The following DCC variants were observed in gnomAD, a reference collection of about 807,000 sequenced individuals.
DCC encodes netrin receptor DCC.
DCC carries 58 observed loss-of-function variants against 172.5 expected under a neutral mutation model. The observed-to-expected ratio is 0.34, with a 90% CI of 0.27 to 0.42. The LOEUF (loss-of-function observed/expected upper bound fraction) is 0.42, where lower values mean the gene tolerates loss of function less well. Ranked by LOEUF, DCC falls within the 10% of genes least tolerant of loss-of-function variation. DCC has a pLI of 1.00. For synonymous variants in DCC, 709 were observed against 644.5 expected (o/e 1.10, Z -1.52); for missense variants, 1,740 against 1,791.0 (o/e 0.97, Z 0.51).
chr18:53,184,129 A>G (rs569017603), intron 9 of DCC, among the ~76,000 whole-genome samples: 1 of 152,074 alleles, frequency 6.6e-6, no homozygotes, highest in East Asian at 1.9e-4. Context: ...TAAGGCTAAT[A>G]TAATACCTCA....
intron 8 of DCC, among the ~76,000 whole-genome samples, chr18:53,175,770 T>G (rs999559432): frequency 5.3e-5 from 8 of 152,044 alleles, no homozygotes; most frequent in South Asian, 2.1e-4. Context: ...ATTTACAGAT[T>G]CAATGCCATC....
At chr18:53,133,005 C>T (rs528487025) in intron 7 of DCC, among the ~76,000 whole-genome samples, 1 of 152,324 alleles carries the variant, frequency 6.6e-6, no homozygotes, top group African/African-American at 2.4e-5. Flanking sequence ...AATCATCAAA[C>T]CATAAGTAAG....
chr18:52,652,863 G>C (rs1049926190), intron 1 of DCC, among the ~76,000 whole-genome samples: 9 of 151,960 alleles, frequency 5.9e-5, no homozygotes, highest in African/African-American at 1.9e-4. Context: ...AGGAGCTTTC[G>C]TGGGTCTGGA....
chr18:53,347,478 C>A (rs886485228), intron 15 of DCC, among the ~76,000 whole-genome samples: 2 of 152,118 alleles, frequency 1.3e-5, no homozygotes, highest in Non-Finnish European at 2.9e-5. Flanking sequence ...TATTTTTGGG[C>A]AGCTGTTATT....
At chr18:53,454,099 G>A (rs1227584808) in intron 23 of DCC, among the ~76,000 whole-genome samples, 1 of 152,172 alleles carries the variant, frequency 6.6e-6, no homozygotes, top group African/African-American at 2.4e-5. Context: ...TGTAACCCCA[G>A]CCTTTTGGGA....
chr18:52,682,093 A>C (rs1722760540), intron 1 of DCC, among the ~76,000 whole-genome samples: 1 of 152,134 alleles, frequency 6.6e-6, no homozygotes, highest in Non-Finnish European at 1.5e-5. Context: ...ACATAAATAG[A>C]GAGGGCAATT....
chr18:53,410,636 G>T lies in DCC; in HGVS notation c.3120G>T (p.Arg1040Ser). The T allele has an allele frequency of 6.3e-7, 1 of 1,590,794 alleles. No individual in the cohort carries two copies. Residue 1040 changes from arginine to serine, a missense_variant, in exon 20 of 29, where the codon AGG (arginine) becomes AGT (serine). Coordinates refer to ENST00000442544, the MANE Select transcript of DCC (RefSeq NM_005215.4). The stretch of plus-strand genomic sequence containing the variant: ...CACTCTCTGATCCTATCCTCTTCAG[G>T]ACTCTGAAAGGTTTGAATAATTTCC... ...VGPLSDPILF[R>S]TLKVEHPDKM...
At chr18:52,788,421 T>C (rs2037699321) in intron 2 of DCC, among the ~76,000 whole-genome samples, 1 of 152,170 alleles carries the variant, frequency 6.6e-6, no homozygotes, top group Non-Finnish European at 1.5e-5. Flanking sequence ...CTTACCTATC[T>C]GTAAAGCATG....
intron 5 of DCC, among the ~76,000 whole-genome samples, chr18:52,997,861 C>G (rs1167935032): frequency 6.6e-6 from 1 of 151,972 alleles, no homozygotes; most frequent in South Asian, 2.1e-4. Context: ...GCTTTCTCCC[C>G]CTTGTCACCT....
intron 7 of DCC, among the ~76,000 whole-genome samples, chr18:53,111,254 TG>T (rs1459348010): frequency 1.6e-5 from 1 of 61,380 alleles, no homozygotes; most frequent in African/African-American, 6.7e-5. Context: ...TGTTGTGGGG[TG>T]GGGGGAGGGG....
chr18:53,306,228 T>A (rs1313454116), intron 13 of DCC, among the ~76,000 whole-genome samples: 1 of 152,206 alleles, frequency 6.6e-6, no homozygotes, highest in Non-Finnish European at 1.5e-5. Flanking sequence ...TAGATCAACC[T>A]TCTCTATGAA....
intron 1 of DCC, among the ~76,000 whole-genome samples, chr18:52,522,071 A>T (rs1380626491): frequency 6.6e-6 from 1 of 152,206 alleles, no homozygotes; most frequent in African/African-American, 2.4e-5. Context: ...GACTTAGTTG[A>T]AAAACTGAGA....
intron 1 of DCC, among the ~76,000 whole-genome samples, chr18:52,369,772 A>C (rs1457583907): frequency 6.6e-6 from 1 of 152,190 alleles, no homozygotes; most frequent in African/African-American, 2.4e-5. Context: ...TTGGTCTGTC[A>C]TGACTATATA....
In DCC at chr18:52,752,283, C is replaced by T. The variant is rs200602212; in HGVS notation, c.321C>T (p.His107=). The T allele has an allele frequency of 6.2e-7, 1 of 1,614,106 alleles. No individual in the cohort carries two copies. Among genetic ancestry groups the T allele is most frequent in the Non-Finnish European group, 8.5e-7 (1 of 1,180,016 alleles). Residue 107 remains histidine, a synonymous_variant, in exon 2 of 29, where the codon CAC becomes CAT. Coordinates refer to ENST00000442544, the MANE Select transcript of DCC (RefSeq NM_005215.4). ...TACAAAACATACTTCATTCCAGACA[C>T]CACAAGCCAGATGAGGGACTTTACC... The part of the protein sequence containing the change: ...LLIQNILHSR[H]HKPDEGLYQC...
intron 7 of DCC, among the ~76,000 whole-genome samples, chr18:53,146,405 A>G (rs1256909803): frequency 1.3e-5 from 2 of 152,308 alleles, no homozygotes; most frequent in South Asian, 2.1e-4. Flanking sequence ...TGGAGCAGGA[A>G]GTTGGTGTCC....
At chr18:52,658,242 T>G (rs181695454) in intron 1 of DCC, among the ~76,000 whole-genome samples, 10 of 152,328 alleles carry the variant, frequency 6.6e-5, no homozygotes, top group African/African-American at 1.9e-4. Context: ...TTCAGCCAAC[T>G]GCAAGACCTC....
intron 8 of DCC, among the ~76,000 whole-genome samples, chr18:53,175,231 G>A (rs182963765): frequency 0.085 from 12,899 of 151,948 alleles, 810 homozygotes; most frequent in East Asian, 0.24. Flanking sequence ...TACTGAATGG[G>A]CAAAAACTGG....
intron 2 of DCC, among the ~76,000 whole-genome samples, chr18:52,797,375 T>C (rs2037896278): frequency 6.6e-6 from 1 of 152,224 alleles, no homozygotes; most frequent in African/African-American, 2.4e-5. Flanking sequence ...TAATAGCTGC[T>C]TCTTCCAATT....
At chr18:52,876,172 A>G (rs1286530148) in intron 2 of DCC, among the ~76,000 whole-genome samples, 1 of 152,194 alleles carries the variant, frequency 6.6e-6, no homozygotes, top group Non-Finnish European at 1.5e-5. Context: ...AACTAAATCA[A>G]TCATTTGTCA....
Sources: allele counts gnomAD v4.1 joint callset (sites outside exome capture counted in the v4.1 genomes callset), GRCh38; gene constraint gnomAD v4.1.1; transcripts MANE v1.5; gene names NCBI Gene and HGNC (gene_info 2026-07-23, HGNC 2026-07-21).